Variants in STXBP2 observed in about 807,000 individuals in gnomAD.
The protein encoded by STXBP2 is syntaxin-binding protein 2.
Under a neutral mutation model 72.2 loss-of-function variants are expected in STXBP2, and 47 were observed. The observed-to-expected ratio is 0.65, with a 90% confidence interval of 0.51 to 0.83. STXBP2 has a LOEUF of 0.83. Among genes scored for constraint, STXBP2 ranks in the 40% least tolerant of loss-of-function variants. The pLI is 0.00. For missense variants in STXBP2, 702 were observed against 807.6 expected (o/e 0.87, Z 1.58); for synonymous variants, 367 against 338.7 (o/e 1.08, Z -0.92).
chr19:7,647,066 G>A (rs2032163259), intron 16 of STXBP2, 96 bp from the exon 17 acceptor site: 2 of 1,318,908 alleles, frequency 1.5e-6, no homozygotes, highest in Non-Finnish European at 2.1e-6. Context: ...GTTCCTGTCT[G>A]CCAGGATCTT....
At chr19:7,634,180 C>T (rs1431119313), upstream of STXBP2, among the ~76,000 whole-genome samples, 2 of 152,148 alleles carry the variant, frequency 1.3e-5, no homozygotes, top group Non-Finnish European at 2.9e-5. Context: ...GAACAGGAGG[C>T]GAGACTCCCT....
At position 7,647,818 on chromosome 19, in the gene STXBP2, C is replaced by T; in HGVS notation, c.*8C>T. 6.2e-7 allele frequency: 1 copy of T among 1,605,168 alleles called. No individual in the cohort carries two copies. Among genetic ancestry groups the T allele is most frequent in the Non-Finnish European group, 8.5e-7 (1 of 1,173,810 alleles). The stretch of plus-strand genomic sequence containing the variant: ...GACATTGCCCTGCCCTGACCCCTGG[C>T]CCCGCCCCCTACCCCTCCCTTTCCA... On this transcript the variant is annotated 3_prime_UTR_variant, in exon 19 of 19. Transcript: ENST00000221283.
chr19:7,632,588 C>A, upstream of STXBP2: 3 of 1,598,060 alleles, frequency 1.9e-6, no homozygotes, highest in South Asian at 1.1e-5. The surrounding 1 kb of genome is among the most constrained non-coding windows in gnomAD (Gnocchi z 5.2). Flanking sequence ...CCTTCACCCC[C>A]ACACAGATGC....
intron 16 of STXBP2, chr19:7,646,955 T>C: frequency 1.7e-6 from 1 of 604,744 alleles, no homozygotes; most frequent in Non-Finnish European, 2.9e-6. Context: ...TGGAATTAGA[T>C]TCGTGGGTCC....
intron 4 of STXBP2, chr19:7,640,454 ATGTGTGTGCATCTC>A (rs1047271491): frequency 2.1e-4 from 131 of 620,248 alleles, no homozygotes; most frequent in Middle Eastern, 4.0e-4. Flanking sequence ...GTGTGTATGT[ATGTGTGTGCATCTC>A]TGTGTGTGCA....
rs2031951532 is a variant in STXBP2, at chr19:7,642,868, C to T, written c.960+45C>T. Reference sequence around the variant, plus strand: ...ACCAAAGGCGCTGGTGGAAGGAAGCCCCCCTCCCCATGGGCGCAGGGCCAC... The same window carrying T: ...ACCAAAGGCGCTGGTGGAAGGAAGCTCCCCTCCCCATGGGCGCAGGGCCAC... On this transcript the variant is annotated intron_variant, in intron 11 of 18. Transcript: ENST00000221283. This position sits in a 1 kb window ranked among gnomAD's most constrained non-coding sequence, Gnocchi z 6.0. The T allele has an allele frequency of 6.2e-7, 1 of 1,613,636 alleles. No individual in the cohort carries two copies. The highest frequency in any genetic ancestry group is 8.5e-7 in the Non-Finnish European group (1 of 1,179,576).
chr19:7,640,312 G>A (rs1268248405), intron 4 of STXBP2: 1 of 552,282 alleles, frequency 1.8e-6, no homozygotes, highest in Non-Finnish European at 3.4e-6. Flanking sequence ...GTATGTGTGT[G>A]CATCTGTGTG....
intron 15 of STXBP2, chr19:7,645,899 G>T: frequency 2.9e-6 from 1 of 342,070 alleles, no homozygotes; most frequent in South Asian, 3.7e-5. Context: ...TCCCCTCTCC[G>T]TCCCCCTTCT....
intron 1 of STXBP2, 63 bp from the exon 2 acceptor site, chr19:7,638,663 G>A: frequency 6.3e-7 from 1 of 1,585,416 alleles, no homozygotes; most frequent in Non-Finnish European, 8.7e-7. Context: ...AGGCTGAGAA[G>A]GCTTGGGGCA....
At chr19:7,631,837 G>A in the STXBP2 span, 1 of 1,383,996 alleles carries the variant, frequency 7.2e-7, no homozygotes, top group Non-Finnish European at 9.4e-7. Context: ...CAGCCAGGGG[G>A]AGGGCTCAAG....
At position 7,645,194 on chromosome 19, in the gene STXBP2, C is replaced by T. The variant is rs762255091; in HGVS notation, c.1247-3C>T. 1.3e-6 allele frequency: 2 copies of T among 1,558,390 alleles called. No individual in the cohort carries two copies. Among genetic ancestry groups the T allele is most frequent in the African/African-American group, 1.4e-5 (1 of 73,422 alleles). On this transcript the variant is annotated splice_region_variant and splice_polypyrimidine_tract_variant and intron_variant, in intron 14 of 18. Transcript: ENST00000221283. ...CTCCACCCTGCCCATTCCCGTCCCC[C>T]AGGTGTGAGTGAGGAGAACCTGGCC...
At chr19:7,635,921 C>G (rs1285360531), upstream of STXBP2, among the ~76,000 whole-genome samples, 1 of 152,172 alleles carries the variant, frequency 6.6e-6, no homozygotes, top group Non-Finnish European at 1.5e-5. Flanking sequence ...TGCCCCCACC[C>G]TCCAGCCTTC....
upstream of STXBP2, among the ~76,000 whole-genome samples, chr19:7,634,673 A>T (rs11672074): frequency 0.29 from 44,262 of 151,830 alleles, 7,114 homozygotes; most frequent in Non-Finnish European, 0.37. Flanking sequence ...CTGAGCCTTT[A>T]AAATTTTTTT....
rs767179922 is a variant in STXBP2 at position 7,639,958 on chromosome 19, G to A, written c.246+151G>A. The A allele has an allele frequency of 4.6e-5, 38 of 833,672 alleles. No individual in the cohort carries two copies. In the African/African-American group the frequency reaches 4.8e-4, roughly 10 times the overall value. The allele number at this position is 833,672 out of a possible 1,614,324, so 51.6% of individuals were successfully genotyped here. A position where few individuals can be genotyped will look rare whatever the true frequency, so the allele number is the denominator to read the frequency against. ...TGTGTGCATGTGTGTGCATGTGTGT[G>A]TGCATCTGTGTATGCATGTGTGTGC... On this transcript the variant is annotated intron_variant, in intron 4 of 18. Coordinates refer to ENST00000221283, the MANE Select transcript of STXBP2 (RefSeq NM_006949.4).
At chr19:7,631,531 T>C in the STXBP2 span, 74 of 1,536,036 alleles carry the variant, frequency 4.8e-5, no homozygotes, top group Admixed American at 1.5e-3. Flanking sequence ...GAGAAGCTCC[T>C]TCGCGACGCC....
upstream of STXBP2, chr19:7,632,458 G>A (rs754749924): frequency 2.4e-5 from 38 of 1,613,778 alleles, no homozygotes; most frequent in African/African-American, 2.1e-4. This position sits in a 1 kb window ranked among gnomAD's most constrained non-coding sequence, Gnocchi z 5.2. Flanking sequence ...TCCATGCGGC[G>A]GCCCTGGGTA....
chr19:7,636,982 C>A, upstream of STXBP2: 1 of 715,390 alleles, frequency 1.4e-6, no homozygotes, highest in Non-Finnish European at 1.9e-6. Flanking sequence ...GTCCTCCCCG[C>A]CAGGGACTCA....
upstream of STXBP2, chr19:7,632,773 G>A (rs748398498): frequency 2.8e-5 from 44 of 1,567,698 alleles, no homozygotes; most frequent in South Asian, 4.7e-5. The surrounding 1 kb of genome is among the most constrained non-coding windows in gnomAD (Gnocchi z 5.2). Flanking sequence ...CCCTCCATCC[G>A]GTCGCCCTGC....
At chr19:7,638,604 TAAAA>T (rs144737616) in intron 1 of STXBP2, 118 bp from the exon 2 acceptor site, 41 of 936,720 alleles carry the variant, frequency 4.4e-5, no homozygotes, top group Non-Finnish European at 5.5e-5. Context: ...CCTCCTCTCT[TAAAA>T]AAAAAAAAAA....
Sources: gnomAD v4.1 joint callset for allele counts (sites outside exome capture counted in the v4.1 genomes callset) on GRCh38, gnomAD v4.1.1 for gene constraint, Gnocchi (gnomAD v3.1) non-coding constraint, MANE v1.5 for transcripts, NCBI Gene and HGNC (gene_info 2026-07-23, HGNC 2026-07-21) for gene names.